DAAM1: variants seen among roughly 807,000 people sequenced by gnomAD.
DAAM1 encodes disheveled-associated activator of morphogenesis 1.
Under a neutral mutation model 130.0 loss-of-function variants are expected in DAAM1, and 52 were observed. The observed-to-expected ratio is 0.40, with a 90% confidence interval of 0.32 to 0.50. The LOEUF (loss-of-function observed/expected upper bound fraction) is 0.50. Among genes scored for constraint, DAAM1 ranks in the 20% least tolerant of loss-of-function variants. The probability of loss-of-function intolerance (pLI) is 0.61; values close to 1 mark genes in which losing one functional copy is unlikely to be tolerated. For missense variants in DAAM1, 1,134 were observed against 1,303.8 expected (o/e 0.87, Z 2.01); for synonymous variants, 452 against 444.5 (o/e 1.02, Z -0.21).
intron 1 of DAAM1, among the ~76,000 whole-genome samples, chr14:59,239,842 ACTTTT>A (rs1889422339): frequency 1.3e-5 from 2 of 152,250 alleles, no homozygotes; most frequent in East Asian, 3.9e-4. Context: ...CATTCTAGCG[ACTTTT>A]CTTTATCTTT....
chr14:59,337,798 C>G (rs1254680986), intron 15 of DAAM1, among the ~76,000 whole-genome samples: 1 of 152,092 alleles, frequency 6.6e-6, no homozygotes, highest in African/African-American at 2.4e-5. Flanking sequence ...ACCTGTAGCA[C>G]CTACAGGCAT....
rs367575324 is a variant in DAAM1 at position 59,313,122 on chromosome 14, A to G, written c.274-2158A>G. Among the ~76,000 whole-genome samples, 21 of 152,312 alleles carry G rather than the reference A, an allele frequency of 1.4e-4. No individual in the cohort carries two copies. The East Asian group carries it at 3.7e-3, about 27-fold the overall frequency. On this transcript the variant is annotated intron_variant, in intron 3 of 24. Coordinates refer to ENST00000360909, the MANE Select transcript of DAAM1 (RefSeq NM_001270520.2). Reference sequence around the variant, plus strand: ...AATTGCATTCATCTCCTTCTGGCCTATGTTTCTACAGAGCAACAAACTCTT... The same window carrying G: ...AATTGCATTCATCTCCTTCTGGCCTGTGTTTCTACAGAGCAACAAACTCTT...
chr14:59,348,051 G>A (rs535837481), intron 17 of DAAM1, among the ~76,000 whole-genome samples: 1 of 152,306 alleles, frequency 6.6e-6, no homozygotes, highest in East Asian at 1.9e-4. Flanking sequence ...CCACAACCAT[G>A]AAAATGACCT....
intron 3 of DAAM1, among the ~76,000 whole-genome samples, chr14:59,314,990 A>G (rs150899239): frequency 1.3e-5 from 2 of 152,198 alleles, no homozygotes; most frequent in South Asian, 2.1e-4. Flanking sequence ...CTGAAGGAAA[A>G]CAACTTTACA....
chr14:59,352,447 G>A (rs1259216053), intron 17 of DAAM1, 79 bp from the exon 18 acceptor site: 3 of 1,077,772 alleles, frequency 2.8e-6, no homozygotes, highest in African/African-American at 3.1e-5. Flanking sequence ...TCTTGGGACA[G>A]ATTAACTGAA....
Position 59,325,712 on chromosome 14 carries a change from T to G in DAAM1, c.1038T>G (p.Phe346Leu). The G allele has an allele frequency of 2.5e-6, 4 of 1,614,086 alleles. No individual in the cohort carries two copies. The highest frequency in any genetic ancestry group is 1.7e-6 in the Non-Finnish European group (2 of 1,179,982). ...TCCGAAATGAAGATGAACTAGAATT[T>G]GCCAAAAGATTTGAACTGGTACGTA... ...EMLRNEDELE[F>L]AKRFELVHID... Residue 346 changes from phenylalanine (F) to leucine (L), a missense_variant, in exon 9 of 25, where the codon TTT (phenylalanine) becomes TTG (leucine). Around this residue, in one of 3 missense-constraint regions of DAAM1, gnomAD observed 391 missense variants for 521.6 expected, o/e 0.75. Transcript: ENST00000360909.
At chr14:59,293,136 A>C (rs1317199799) in intron 3 of DAAM1, among the ~76,000 whole-genome samples, 1 of 152,128 alleles carries the variant, frequency 6.6e-6, no homozygotes, top group Non-Finnish European at 1.5e-5. Context: ...CCTAGTGTAG[A>C]TTCTTTCTGA....
chr14:59,207,909 G>T (rs1031198243), intron 1 of DAAM1, among the ~76,000 whole-genome samples: 1 of 152,154 alleles, frequency 6.6e-6, no homozygotes, highest in African/African-American at 2.4e-5. Flanking sequence ...CTAGCATGGG[G>T]AATTTTCAAG....
At chr14:59,330,287 G>GAACA (rs869227893) in intron 12 of DAAM1, among the ~76,000 whole-genome samples, 7 of 71,156 alleles carry the variant, frequency 9.8e-5, no homozygotes, top group African/African-American at 2.1e-4. Flanking sequence ...AGTCTCTTAC[G>GAACA]TAGTTAATAA....
At chr14:59,321,503 A>C (rs8015689) in intron 5 of DAAM1, among the ~76,000 whole-genome samples, 21,129 of 152,196 alleles carry the variant, frequency 0.14, 1,637 homozygotes, top group Middle Eastern at 0.2. Flanking sequence ...GGCAACAGTG[A>C]TTCATTTCCT....
chr14:59,259,715 A>T (rs1490409636), intron 1 of DAAM1, among the ~76,000 whole-genome samples: 2 of 152,360 alleles, frequency 1.3e-5, no homozygotes, highest in East Asian at 3.9e-4. Flanking sequence ...CCTAATGTAC[A>T]TCAGCGCTGC....
chr14:59,355,489 T>TTC (rs1886441980), intron 20 of DAAM1, among the ~76,000 whole-genome samples, 156 bp downstream of exon 20: 1 of 152,172 alleles, frequency 6.6e-6, no homozygotes, highest in Middle Eastern at 3.2e-3. Flanking sequence ...ACATTGACTC[T>TTC]TCTCTAAACC....
At position 59,315,362 on chromosome 14, in the gene DAAM1, T is replaced by C. The variant is rs1441931961; in HGVS notation, c.345+11T>C. 1.9e-6 allele frequency: 3 copies of C among 1,612,132 alleles called. No homozygotes were observed. The East Asian group carries it at 6.7e-5, about 36-fold the overall frequency. The stretch of plus-strand genomic sequence containing the variant: ...AATTCCATGGCTGCTGTAAGTAGAC[T>C]TTTATGTTCTTTGACACACTGTTTA... On this transcript the variant is annotated intron_variant, in intron 4 of 24. Transcript: ENST00000360909.
intron 3 of DAAM1, among the ~76,000 whole-genome samples, chr14:59,313,980 C>T (rs1884690395): frequency 6.6e-6 from 1 of 152,226 alleles, no homozygotes; most frequent in African/African-American, 2.4e-5. Flanking sequence ...GCTTTTAAGG[C>T]ACTGTAAGCA....
intron 2 of DAAM1, among the ~76,000 whole-genome samples, chr14:59,278,860 G>A (rs972221055): frequency 6.6e-6 from 1 of 152,138 alleles, no homozygotes; most frequent in Non-Finnish European, 1.5e-5. Context: ...GGAGTACACA[G>A]TTTTCTTTCC....
At chr14:59,368,579 AT>A (rs1887016302) in intron 24 of DAAM1, 70 bp from the exon 25 acceptor site, 1 of 1,472,462 alleles carries the variant, frequency 6.8e-7, no homozygotes, top group Admixed American at 2.1e-5. Context: ...ATTTCAAGGA[AT>A]TGACCTCTAC....
chr14:59,213,637 CTGTT>C (rs1888494434), intron 1 of DAAM1, among the ~76,000 whole-genome samples: 1 of 152,172 alleles, frequency 6.6e-6, no homozygotes, highest in Admixed American at 6.5e-5. Flanking sequence ...GGACTCAAAT[CTGTT>C]TCAGCCCTTA....
At chr14:59,254,436 A>G (rs1216281716) in intron 1 of DAAM1, among the ~76,000 whole-genome samples, 2 of 152,226 alleles carry the variant, frequency 1.3e-5, no homozygotes, top group Admixed American at 6.5e-5. Context: ...AGCCTCCACA[A>G]TTTAAATTTG....
intron 1 of DAAM1, among the ~76,000 whole-genome samples, chr14:59,258,869 T>C (rs2139496973): frequency 6.6e-6 from 1 of 152,328 alleles, no homozygotes; most frequent in South Asian, 2.1e-4. Context: ...ACAAATTACC[T>C]GTCAAAGGCA....
Sources: gnomAD v4.1 joint callset for allele counts (sites outside exome capture counted in the v4.1 genomes callset) on GRCh38, gnomAD v4.1.1 for gene constraint, gnomAD v4.1.1 regional missense constraint, MANE v1.5 for transcripts, NCBI Gene and HGNC (gene_info 2026-07-23, HGNC 2026-07-21) for gene names.